The following SGCD variants were observed in gnomAD, a reference collection of about 807,000 sequenced individuals.
SGCD encodes delta-sarcoglycan.
A neutral mutation model predicts 36.6 loss-of-function variants in SGCD; 18 were observed. That is an observed-to-expected ratio of 0.49 (90% CI 0.34 to 0.73). The LOEUF (loss-of-function observed/expected upper bound fraction) is 0.73, where lower values mean the gene tolerates loss of function less well. Ranked by LOEUF, SGCD falls within the 30% of genes least tolerant of loss-of-function variation. The pLI, the probability that SGCD is intolerant of heterozygous loss-of-function variation, is 0.01. For missense variants in SGCD, 387 were observed against 346.7 expected (o/e 1.12, Z -0.92); for synonymous variants, 133 against 130.6 (o/e 1.02, Z -0.12).
intron 3 of SGCD, among the ~76,000 whole-genome samples, chr5:156,375,919 G>T (rs1005746766): frequency 4.6e-5 from 7 of 151,964 alleles, no homozygotes; most frequent in African/African-American, 1.7e-4. Context: ...TTAAAATTGT[G>T]AGCTAGTCAA....
chr5:156,702,762 G>A (rs374895229), intron 7 of SGCD, among the ~76,000 whole-genome samples: 9 of 152,224 alleles, frequency 5.9e-5, no homozygotes, highest in African/African-American at 2.2e-4. Context: ...TGGGCCTCTT[G>A]TATTTCTGCA....
chr5:155,897,700 A>G (rs750124002), intron 1 of SGCD, among the ~76,000 whole-genome samples: 2 of 151,984 alleles, frequency 1.3e-5, no homozygotes, highest in Non-Finnish European at 2.9e-5. Flanking sequence ...AACTTTTTAA[A>G]TTAAAAACTA....
chr5:155,996,983 A>G (rs1448791680), intron 1 of SGCD, among the ~76,000 whole-genome samples: 1 of 152,128 alleles, frequency 6.6e-6, no homozygotes, highest in Non-Finnish European at 1.5e-5. Context: ...CCAATGTTGC[A>G]TTAATGTCCT....
At chr5:156,335,045 C>T (rs1768273341) in intron 2 of SGCD, among the ~76,000 whole-genome samples, 1 of 152,116 alleles carries the variant, frequency 6.6e-6, no homozygotes, top group South Asian at 2.1e-4. Flanking sequence ...TTCCTTAGGA[C>T]CTCAGTTTCT....
At chr5:156,271,451 G>C (rs1293694896) in intron 3 of SGCD, among the ~76,000 whole-genome samples, 1 of 152,136 alleles carries the variant, frequency 6.6e-6, no homozygotes, top group Non-Finnish European at 1.5e-5. Flanking sequence ...AGGTAGGCCA[G>C]GGCAGGGGAG....
intron 3 of SGCD, among the ~76,000 whole-genome samples, chr5:156,383,642 T>G (rs1771118272): frequency 6.6e-6 from 1 of 152,174 alleles, no homozygotes; most frequent in African/African-American, 2.4e-5. Context: ...TTCTTGCTTA[T>G]AAAAGGGAAT....
chr5:156,080,357 T>A (rs1760919137), intron 1 of SGCD, among the ~76,000 whole-genome samples: 1 of 152,224 alleles, frequency 6.6e-6, no homozygotes, highest in Admixed American at 6.5e-5. Context: ...CTTGGCTAAT[T>A]GCACTTGCCT....
intron 3 of SGCD, among the ~76,000 whole-genome samples, chr5:156,284,494 C>T (rs1313415615): frequency 6.6e-6 from 1 of 152,236 alleles, no homozygotes; most frequent in Non-Finnish European, 1.5e-5. Context: ...GGGCTTCATC[C>T]CTGGGGTGCA....
chr5:156,200,859 A>ATAGATAAGC (rs1326181552), intron 3 of SGCD, among the ~76,000 whole-genome samples: 2 of 152,194 alleles, frequency 1.3e-5, no homozygotes, highest in Non-Finnish European at 2.9e-5. Flanking sequence ...CGACAGATGA[A>ATAGATAAGC]TAGATAAGCA....
At chr5:156,219,348 C>T (rs895915300) in intron 3 of SGCD, among the ~76,000 whole-genome samples, 15 of 152,074 alleles carry the variant, frequency 9.9e-5, no homozygotes, top group African/African-American at 2.4e-4. Context: ...ATAAACACAT[C>T]GATCATGTAC....
intron 3 of SGCD, among the ~76,000 whole-genome samples, chr5:156,268,422 CCCA>C (rs1245527070): frequency 6.6e-6 from 1 of 152,180 alleles, no homozygotes; most frequent in Non-Finnish European, 1.5e-5. Context: ...AATTTACTCT[CCCA>C]CCAACAGTGT....
At chr5:155,788,936 G>T in the SGCD span, among the ~76,000 whole-genome samples, 2,651 of 152,252 alleles carry the variant, frequency 0.017, 87 homozygotes, top group African/African-American at 0.059. Flanking sequence ...ACCTGGCATG[G>T]TCAAGGAATA....
chr5:156,298,576 C>CTT lies in SGCD; in HGVS notation c.-43-30939_-43-30938dup, dbSNP rs924228753. Among the ~76,000 whole-genome samples the CTT allele has an allele frequency of 1.4e-3, 150 of 110,492 alleles. 2 individuals carry two copies. Among genetic ancestry groups the CTT allele is most frequent in the Middle Eastern group, 5.1e-3 (1 of 196 alleles). The allele number at this position is 110,492 out of a possible 152,430, so 72.5% of individuals were successfully genotyped here. A position where few individuals can be genotyped will look rare whatever the true frequency, so the allele number is the denominator to read the frequency against. Reference sequence around the variant, plus strand: ...CATTTGTTAAGTCTTTTTTTCTTTTCTTTTTTTTTTTTTTTTTTTTGGAGA... The same window carrying CTT: ...CATTTGTTAAGTCTTTTTTTCTTTTCTTTTTTTTTTTTTTTTTTTTTTGGAGA... On this transcript the variant is annotated intron_variant, in intron 3 of 9. Coordinates refer to the SGCD transcript ENST00000517913.
At chr5:156,640,195 C>T (rs1762977814) in intron 6 of SGCD, among the ~76,000 whole-genome samples, 3 of 151,916 alleles carry the variant, frequency 2.0e-5, no homozygotes, top group Admixed American at 1.3e-4. Flanking sequence ...CTTAATCACA[C>T]CCCTCCCATG....
At chr5:156,293,492 T>C (rs1766814654) in intron 3 of SGCD, among the ~76,000 whole-genome samples, 1 of 152,176 alleles carries the variant, frequency 6.6e-6, no homozygotes, top group Non-Finnish European at 1.5e-5. Context: ...GAATTACTTT[T>C]TGTATATGTG....
chr5:155,782,771 C>T, the SGCD span, among the ~76,000 whole-genome samples: 95 of 152,208 alleles, frequency 6.2e-4, no homozygotes, highest in African/African-American at 2.0e-3. Flanking sequence ...TTGTGAACTG[C>T]GCATGTGAGG....
chr5:156,243,139 C>G (rs1765346494), intron 3 of SGCD, among the ~76,000 whole-genome samples: 2 of 152,138 alleles, frequency 1.3e-5, no homozygotes, highest in South Asian at 2.1e-4. Context: ...ATGAGCATAT[C>G]TATGTGATAA....
intron 3 of SGCD, among the ~76,000 whole-genome samples, chr5:156,164,176 A>G (rs1561545865): frequency 6.6e-6 from 1 of 151,612 alleles, no homozygotes; most frequent in Non-Finnish European, 1.5e-5. Flanking sequence ...GAGAATTTAA[A>G]TATAGCCACA....
intron 3 of SGCD, among the ~76,000 whole-genome samples, chr5:156,484,818 T>C (rs923781377): frequency 1.5e-4 from 23 of 152,222 alleles, no homozygotes; most frequent in African/African-American, 4.8e-4. Context: ...GCCATTTATG[T>C]CACAGTGTTT....
Sources: allele counts gnomAD v4.1 joint callset (sites outside exome capture counted in the v4.1 genomes callset), GRCh38; gene constraint gnomAD v4.1.1; transcripts MANE v1.5; gene names NCBI Gene and HGNC (gene_info 2026-07-23, HGNC 2026-07-21).